The following CHIC1 variants were observed in gnomAD, a reference collection of about 807,000 sequenced individuals.
CHIC1 encodes cysteine rich hydrophobic domain 1, also known as cysteine-rich hydrophobic domain-containing protein 1.
In CHIC1, 7 loss-of-function variants were observed where a neutral mutation model predicts 18.5. The ratio of observed to expected loss-of-function variants is 0.38; its 90% confidence interval spans 0.22 to 0.71. CHIC1 has a LOEUF of 0.71. CHIC1 is among the 30% of genes least tolerant of loss of function. CHIC1 has a pLI of 0.49. For synonymous variants in CHIC1, 77 were observed against 73.5 expected (o/e 1.05, Z -0.25); for missense variants, 159 against 176.9 (o/e 0.90, Z 0.57).
chrX:73,613,762 A>G (rs1228013113), intron 3 of CHIC1, among the ~76,000 whole-genome samples: 1 of 110,565 alleles, frequency 9.0e-6, no homozygotes, highest in African/African-American at 3.3e-5. Flanking sequence ...CCCTCATTTT[A>G]TCATTGGATT....
chrX:73,658,584 C>T (rs1342738756), intron 3 of CHIC1, among the ~76,000 whole-genome samples: 1 of 107,622 alleles, frequency 9.3e-6, no homozygotes, highest in African/African-American at 3.4e-5. Flanking sequence ...AAAAAAAATC[C>T]ATCTCCTGGA....
At chrX:73,602,150 T>G (rs1006234741) in intron 3 of CHIC1, among the ~76,000 whole-genome samples, 3 of 108,086 alleles carry the variant, frequency 2.8e-5, no homozygotes, top group African/African-American at 1.1e-4. Context: ...AAACAGGAGC[T>G]GGTACCATTC....
At chrX:73,571,459 G>A (rs1207505156) in intron 1 of CHIC1, among the ~76,000 whole-genome samples, 2 of 111,412 alleles carry the variant, frequency 1.8e-5, no homozygotes, top group East Asian at 5.6e-4. Flanking sequence ...AATATTTCTT[G>A]TAATATTAAA....
At chrX:73,572,942 T>G (rs1207566424) in intron 1 of CHIC1, among the ~76,000 whole-genome samples, 1 of 111,565 alleles carries the variant, frequency 9.0e-6, no homozygotes, top group African/African-American at 3.2e-5. Context: ...CAGAAGCTCT[T>G]TAGTTTAACT....
chrX:73,572,959 T>G (rs951086204), intron 1 of CHIC1, among the ~76,000 whole-genome samples: 1 of 111,522 alleles, frequency 9.0e-6, no homozygotes, highest in Non-Finnish European at 1.9e-5. Context: ...AACTAGGTCT[T>G]AATCAATTTT....
intron 3 of CHIC1, among the ~76,000 whole-genome samples, chrX:73,620,417 A>G (rs1190600986): frequency 1.8e-5 from 2 of 112,218 alleles, no homozygotes; most frequent in Non-Finnish European, 3.8e-5. Context: ...ATGAGATGGT[A>G]TCTCATTGTG....
intron 3 of CHIC1, among the ~76,000 whole-genome samples, chrX:73,628,477 G>A (rs1262815125): frequency 2.7e-5 from 3 of 111,867 alleles, no homozygotes; most frequent in African/African-American, 3.3e-5. Flanking sequence ...TGGAATCTGC[G>A]ATTCCCCTCT....
In CHIC1 at chrX:73,680,370, T is replaced by TA. The variant is rs1307975137; in HGVS notation, c.625-584dup. The stretch of plus-strand genomic sequence containing the variant: ...ACACTTTGAATAATTTTGGGGAAAA[T>TA]ATGCATATGACCACAAGTCTAAAAT... On this transcript the variant is annotated intron_variant, in intron 5 of 5. Coordinates refer to ENST00000373502, the MANE Select transcript of CHIC1 (RefSeq NM_001039840.4). Among the ~76,000 whole-genome samples the TA allele has an allele frequency of 1.5e-4, 17 of 111,208 alleles. 1 individual carries two copies. In the South Asian group the frequency reaches 6.0e-3, roughly 39 times the overall value.
chrX:73,628,924 T>C (rs1468000335), intron 3 of CHIC1, among the ~76,000 whole-genome samples: 1 of 111,230 alleles, frequency 9.0e-6, no homozygotes, highest in African/African-American at 3.3e-5. Context: ...ACCTATTGAC[T>C]CTACTAGCTT....
intron 3 of CHIC1, among the ~76,000 whole-genome samples, chrX:73,678,413 C>T (rs2058081742): frequency 8.9e-6 from 1 of 112,122 alleles, no homozygotes; most frequent in Non-Finnish European, 1.9e-5. Context: ...CTGGGTGGGC[C>T]AGTCCTCAGG....
chrX:73,645,689 G>T (rs1173611652), intron 3 of CHIC1, among the ~76,000 whole-genome samples: 2 of 111,578 alleles, frequency 1.8e-5, no homozygotes, highest in African/African-American at 6.5e-5. Flanking sequence ...TTATATACCT[G>T]TTGGCTACCT....
At chrX:73,628,827 G>A (rs1309660384) in intron 3 of CHIC1, among the ~76,000 whole-genome samples, 8 of 111,154 alleles carry the variant, frequency 7.2e-5, no homozygotes, top group African/African-American at 2.6e-4. Flanking sequence ...CTATCCTTGT[G>A]GGGGTGAGGA....
chrX:73,585,359 A>G (rs1445500566), intron 3 of CHIC1, among the ~76,000 whole-genome samples: 2 of 111,170 alleles, frequency 1.8e-5, no homozygotes, highest in East Asian at 2.8e-4. Flanking sequence ...TTTAATGTTT[A>G]CTTCAAAAAG....
At chrX:73,609,993 A>G (rs2057700284) in intron 3 of CHIC1, among the ~76,000 whole-genome samples, 1 of 107,525 alleles carries the variant, frequency 9.3e-6, no homozygotes, top group Non-Finnish European at 1.9e-5. Flanking sequence ...ACTCCTTTTA[A>G]CTGCATGTTT....
At position 73,682,796 on chromosome X, in the gene CHIC1, G is replaced by A. The variant is rs900693506; in HGVS notation, c.*1791G>A. On this transcript the variant is annotated 3_prime_UTR_variant, in exon 6 of 6. Coordinates refer to ENST00000373502, the MANE Select transcript of CHIC1 (RefSeq NM_001039840.4). ...GCAAAATTGAAGGTGTATTTTTATA[G>A]ACAAGGTAGAAGCCTCTGAAAATGT... 4.5e-5 allele frequency: 5 copies of A among 111,394 alleles called. No homozygotes were observed. The highest frequency in any genetic ancestry group is 9.5e-5 in the Non-Finnish European group (5 of 52,778). 9.2% of individuals were successfully genotyped at this position (111,394 alleles called of 1,213,427 possible).
intron 3 of CHIC1, among the ~76,000 whole-genome samples, chrX:73,627,006 G>A (rs1239998849): frequency 1.8e-5 from 2 of 109,895 alleles, no homozygotes; most frequent in Non-Finnish European, 3.8e-5. Flanking sequence ...CTGCATATGG[G>A]GCATCCTGAG....
chrX:73,674,270 C>T (rs1443372783), intron 3 of CHIC1, among the ~76,000 whole-genome samples: 2 of 111,916 alleles, frequency 1.8e-5, no homozygotes, highest in Non-Finnish European at 3.8e-5. Flanking sequence ...GGCAGATTCC[C>T]TCTTTTTCTA....
rs2058053886 is a variant in CHIC1, at chrX:73,674,979, C to T, written c.508-4347C>T. Among the ~76,000 whole-genome samples the T allele has an allele frequency of 2.7e-5, 3 of 111,971 alleles. No homozygotes were observed. The Admixed American group carries it at 2.8e-4, about 11-fold the overall frequency. The stretch of plus-strand genomic sequence containing the variant: ...CAAAGAACATCTTTATTTCTGCCTT[C>T]ATTTCATTATTTACCCAGTAGTCAT... On this transcript the variant is annotated intron_variant, in intron 3 of 5. Coordinates refer to ENST00000373502, the MANE Select transcript of CHIC1 (RefSeq NM_001039840.4).
intron 3 of CHIC1, among the ~76,000 whole-genome samples, chrX:73,626,897 T>C (rs773095155): frequency 3.0e-4 from 33 of 110,288 alleles, no homozygotes; most frequent in Non-Finnish European, 5.9e-4. Context: ...GTTGGGTATT[T>C]ATTGCAGTCT....
Sources: gnomAD v4.1 joint callset for allele counts (sites outside exome capture counted in the v4.1 genomes callset) on GRCh38, gnomAD v4.1.1 for gene constraint, MANE v1.5 for transcripts, NCBI Gene and HGNC (gene_info 2026-07-23, HGNC 2026-07-21) for gene names.